Variants in ABCC4 observed in about 807,000 individuals in gnomAD.
ABCC4 encodes the protein ATP binding cassette subfamily C member 4 (PEL blood group).
In ABCC4, 102 loss-of-function variants were observed where a neutral mutation model predicts 168.5. The observed-to-expected ratio is 0.61, with a 90% CI of 0.52 to 0.71. The LOEUF is 0.71. ABCC4 is among the 30% of genes least tolerant of loss of function. The pLI is 0.00. For missense variants in ABCC4, 1,402 were observed against 1,605.8 expected, an observed-to-expected ratio of 0.87 and a Z score of 2.17; for synonymous variants, 617 against 590.7, an observed-to-expected ratio of 1.04 and a Z score of -0.65.
At chr13:95,029,203 TATATATATATAGAGAG>T (rs2031718038) in intron 30 of ABCC4, among the ~76,000 whole-genome samples, 2 of 57,736 alleles carry the variant, frequency 3.5e-5, no homozygotes, top group African/African-American at 1.3e-4. Flanking sequence ...TATATATATA[TATATATATATAGAGAG>T]AGAGAGAGAG....
intron 14 of ABCC4, among the ~76,000 whole-genome samples, chr13:95,168,720 G>A (rs1031504982): frequency 3.3e-5 from 5 of 152,150 alleles, no homozygotes; most frequent in African/African-American, 9.7e-5. Flanking sequence ...AAGGACCAGG[G>A]TACTGAGGCA....
At chr13:95,125,951 G>C (rs2035744071) in intron 19 of ABCC4, among the ~76,000 whole-genome samples, 1 of 152,246 alleles carries the variant, frequency 6.6e-6, no homozygotes, top group East Asian at 1.9e-4. Flanking sequence ...AGAATCTCTA[G>C]GACGACTGCT....
At chr13:95,051,331 TC>T (rs1014777509) in intron 27 of ABCC4, among the ~76,000 whole-genome samples, 33 of 152,306 alleles carry the variant, frequency 2.2e-4, no homozygotes, top group African/African-American at 7.5e-4. Flanking sequence ...TTCAGAGCTA[TC>T]CCTGGAAGGG....
intron 20 of ABCC4, among the ~76,000 whole-genome samples, chr13:95,086,097 G>C (rs1217393943): frequency 6.6e-6 from 1 of 151,484 alleles, no homozygotes; most frequent in African/African-American, 2.4e-5. Context: ...TTGTGTGTGT[G>C]TGTGTGTGTG....
In ABCC4 at chr13:95,236,177, G is replaced by A. The variant is rs149647387; in HGVS notation, c.307-1343C>T. Among the ~76,000 whole-genome samples the A allele has an allele frequency of 1.1e-3, 163 of 152,140 alleles. 1 individual carries two copies. Among genetic ancestry groups the A allele is most frequent in the Middle Eastern group, 6.8e-3 (2 of 292 alleles). ...AACCTACTTCCTCCCTCTCGAACCC[G>A]TTGTAAGGGACCCTTTTCCCCCAAC... On this transcript the variant is annotated intron_variant, in intron 3 of 30. Transcript: ENST00000645237.
intron 19 of ABCC4, among the ~76,000 whole-genome samples, chr13:95,121,925 A>C (rs1345620234): frequency 1.3e-5 from 2 of 152,228 alleles, no homozygotes; most frequent in African/African-American, 4.8e-5. Context: ...AAATGTTCAC[A>C]GCACTTTGTA....
chr13:95,141,037 T>A (rs1391912188), intron 19 of ABCC4, among the ~76,000 whole-genome samples: 1 of 152,170 alleles, frequency 6.6e-6, no homozygotes, highest in Non-Finnish European at 1.5e-5. Context: ...ATAAAACCAC[T>A]ACAGGATCCC....
intron 20 of ABCC4, among the ~76,000 whole-genome samples, chr13:95,093,806 A>G (rs1365559198): frequency 6.6e-6 from 1 of 152,210 alleles, no homozygotes; most frequent in Non-Finnish European, 1.5e-5. Context: ...TAGAACTGAT[A>G]AAATAATTGA....
intron 11 of ABCC4, among the ~76,000 whole-genome samples, chr13:95,182,605 G>A (rs2037933708): frequency 6.6e-6 from 1 of 152,148 alleles, no homozygotes; most frequent in Non-Finnish European, 1.5e-5. Context: ...GGCCTGTTAT[G>A]TGCCTAGTAA....
intron 20 of ABCC4, among the ~76,000 whole-genome samples, chr13:95,105,209 G>A (rs998532100): frequency 6.6e-6 from 1 of 151,944 alleles, no homozygotes; most frequent in African/African-American, 2.4e-5. Context: ...CACAGGGTTC[G>A]TGCTCCTATG....
intron 1 of ABCC4, among the ~76,000 whole-genome samples, chr13:95,281,560 G>A (rs1189035619): frequency 6.6e-6 from 1 of 152,120 alleles, no homozygotes; most frequent in South Asian, 2.1e-4. Context: ...TATGAAGATT[G>A]GTTCCACATC....
At chr13:95,086,239 A>G (rs1345499615) in intron 20 of ABCC4, among the ~76,000 whole-genome samples, 2 of 152,154 alleles carry the variant, frequency 1.3e-5, no homozygotes, top group Non-Finnish European at 1.5e-5. Flanking sequence ...ATTTGCTAAT[A>G]GAACATGGCA....
chr13:95,214,220 T>C (rs527955197), intron 4 of ABCC4, among the ~76,000 whole-genome samples: 5 of 152,286 alleles, frequency 3.3e-5, no homozygotes, highest in African/African-American at 9.6e-5. Context: ...CTTCCTTCTA[T>C]AGTTTACAAC....
chr13:95,284,781 A>G (rs182067248), intron 1 of ABCC4, among the ~76,000 whole-genome samples: 1 of 152,284 alleles, frequency 6.6e-6, no homozygotes, highest in Admixed American at 6.5e-5. Context: ...GTGCTAAGTT[A>G]CCTACCTGGT....
chr13:95,259,011 C>T (rs2040461109), intron 1 of ABCC4, among the ~76,000 whole-genome samples: 1 of 152,098 alleles, frequency 6.6e-6, no homozygotes, highest in African/African-American at 2.4e-5. Context: ...TGCTCAGAGT[C>T]AGGGACTCTG....
At chr13:95,097,958 A>G (rs1374985429) in intron 20 of ABCC4, among the ~76,000 whole-genome samples, 2 of 151,998 alleles carry the variant, frequency 1.3e-5, no homozygotes, top group African/African-American at 2.4e-5. Context: ...CAACATGGTG[A>G]AACTCCATCT....
chr13:95,199,690 C>T (rs143140352), intron 8 of ABCC4, among the ~76,000 whole-genome samples: 34 of 152,304 alleles, frequency 2.2e-4, no homozygotes, highest in African/African-American at 8.2e-4. Flanking sequence ...TCATCATCTT[C>T]CGGGACTGCT....
chr13:95,075,100 C>G, intron 22 of ABCC4: 2 of 276,106 alleles, frequency 7.2e-6, no homozygotes, highest in South Asian at 5.7e-5. Context: ...TGATTCATCA[C>G]AACAGAGACA....
chr13:95,042,957 A>T (rs1424186962), intron 29 of ABCC4, among the ~76,000 whole-genome samples: 3 of 152,178 alleles, frequency 2.0e-5, no homozygotes, highest in Admixed American at 6.5e-5. Context: ...ATTAGTAGAG[A>T]CAGGGTTTCC....
Sources: allele counts gnomAD v4.1 joint callset (sites outside exome capture counted in the v4.1 genomes callset), GRCh38; gene constraint gnomAD v4.1.1; transcripts MANE v1.5; gene names NCBI Gene and HGNC (gene_info 2026-07-23, HGNC 2026-07-21).